Variants in NCOA1 observed in about 807,000 individuals in gnomAD.
NCOA1 encodes the protein Hin-2 protein.
A neutral mutation model predicts 150.9 loss-of-function variants in NCOA1; 35 were observed. The ratio of observed to expected loss-of-function variants is 0.23; its 90% CI spans 0.18 to 0.31. The LOEUF (loss-of-function observed/expected upper bound fraction) is 0.31, where lower values mean the gene tolerates loss of function less well. Ranked by LOEUF, NCOA1 falls within the 10% of genes least tolerant of loss-of-function variation. The pLI, the probability that NCOA1 is intolerant of heterozygous loss-of-function variation, is 1.00. For missense variants in NCOA1, 1,491 were observed against 1,749.3 expected (o/e 0.85, Z 2.63); for synonymous variants, 590 against 630.0 (o/e 0.94, Z 0.95).
chr2:24,649,753 A>T (rs1670630541), intron 4 of NCOA1, among the ~76,000 whole-genome samples: 1 of 147,436 alleles, frequency 6.8e-6, no homozygotes, highest in African/African-American at 2.5e-5. Context: ...AAACAAAATA[A>T]ACTTTTCTTT....
At chr2:24,565,197 T>C (rs985946534) in intron 2 of NCOA1, among the ~76,000 whole-genome samples, 4 of 152,196 alleles carry the variant, frequency 2.6e-5, no homozygotes, top group Non-Finnish European at 5.9e-5. Flanking sequence ...AAAAAAGATA[T>C]ATAATGTCAA....
intron 3 of NCOA1, among the ~76,000 whole-genome samples, chr2:24,640,749 G>A (rs114758973): frequency 0.014 from 2,105 of 152,088 alleles, 50 homozygotes; most frequent in African/African-American, 0.048. Context: ...GTCTACTTTC[G>A]CTGATATTTA....
At chr2:24,586,275 C>CA (rs34590281) in intron 3 of NCOA1, among the ~76,000 whole-genome samples, 1,982 of 66,046 alleles carry the variant, frequency 0.03, 69 homozygotes, top group African/African-American at 0.046. Flanking sequence ...GACTCGGTCT[C>CA]AAAAAAAAAA....
intron 20 of NCOA1, 32 bp downstream of exon 20, chr2:24,752,188 T>C: frequency 3.7e-6 from 6 of 1,600,864 alleles, no homozygotes; most frequent in Non-Finnish European, 5.1e-6. Context: ...ATGAGCATCC[T>C]TGATACTGTG....
intron 1 of NCOA1, among the ~76,000 whole-genome samples, chr2:24,496,025 C>T (rs1473036056): frequency 6.6e-6 from 1 of 152,186 alleles, no homozygotes; most frequent in Admixed American, 6.5e-5. Flanking sequence ...GTCCTCCTGT[C>T]ATTTGCACAT....
intron 3 of NCOA1, among the ~76,000 whole-genome samples, chr2:24,637,239 C>T (rs569275943): frequency 2.7e-5 from 3 of 111,366 alleles, no homozygotes; most frequent in East Asian, 6.3e-4. Context: ...CCCCTCCCCC[C>T]ACCCCACAAC....
rs1167255724 is a variant in NCOA1, at chr2:24,683,348, T to A, written c.532+220T>A. 2.0e-5 allele frequency among the ~76,000 whole-genome samples: 3 copies of A among 152,170 alleles called. No homozygotes were observed. The East Asian group carries it at 5.8e-4, about 29-fold the overall frequency. On this transcript the variant is annotated intron_variant, in intron 8 of 22. Coordinates refer to ENST00000348332, the MANE Select transcript of NCOA1 (RefSeq NM_003743.5). ...AGAGTATTCCTTTCAGCTTCTTCCTTTATACTGTGTGAATTGTTTTCAATT... is the reference window on the plus strand; with the variant it reads ...AGAGTATTCCTTTCAGCTTCTTCCTATATACTGTGTGAATTGTTTTCAATT...
intron 1 of NCOA1, among the ~76,000 whole-genome samples, chr2:24,521,174 G>A (rs932365556): frequency 6.6e-6 from 1 of 151,940 alleles, no homozygotes; most frequent in African/African-American, 2.4e-5. Context: ...TATACAACAT[G>A]GTATTTTGAT....
intron 1 of NCOA1, among the ~76,000 whole-genome samples, chr2:24,537,330 G>A (rs899857431): frequency 7.3e-5 from 11 of 151,650 alleles, no homozygotes; most frequent in Non-Finnish European, 1.3e-4. Flanking sequence ...TTGCCACAAC[G>A]GATGGACCTG....
intron 1 of NCOA1, among the ~76,000 whole-genome samples, chr2:24,509,291 A>ACAGGGAGTT (rs1394219890): frequency 6.6e-6 from 1 of 152,236 alleles, no homozygotes; most frequent in African/African-American, 2.4e-5. Flanking sequence ...AAATAGTGAA[A>ACAGGGAGTT]CAGGGAGTTC....
intron 1 of NCOA1, among the ~76,000 whole-genome samples, chr2:24,536,200 T>A (rs959736944): frequency 6.6e-6 from 1 of 152,242 alleles, no homozygotes. Context: ...TTCATTAATT[T>A]GATCTTCAAT....
chr2:24,533,079 C>T (rs62142271), intron 1 of NCOA1, among the ~76,000 whole-genome samples: 28,429 of 152,120 alleles, frequency 0.19, 2,839 homozygotes, highest in Non-Finnish European at 0.23. Context: ...TCTTCCTATC[C>T]ATGAGCATGG....
intron 1 of NCOA1, among the ~76,000 whole-genome samples, chr2:24,559,785 G>A (rs565245917): frequency 6.6e-6 from 1 of 152,106 alleles, no homozygotes; most frequent in Non-Finnish European, 1.5e-5. Flanking sequence ...ACCTGGCAGA[G>A]GTTCTTTTGC....
chr2:24,706,666 G>C lies in NCOA1; in HGVS notation c.1196G>C (p.Gly399Ala). 6.2e-7 allele frequency: 1 copy of C among 1,614,092 alleles called. No homozygotes were observed. The highest frequency in any genetic ancestry group is 8.5e-7 in the Non-Finnish European group (1 of 1,180,014). The change falls in exon 13 of 23, where the codon GGT becomes GCT. Residue 399 changes from glycine (G) to alanine (A), a missense_variant. Gly to Ala is a moderately conservative substitution (Grantham distance 60, BLOSUM62 0). Coordinates refer to ENST00000348332, the MANE Select transcript of NCOA1 (RefSeq NM_003743.5). ...AATCCTAGTATCTCTCCAGCTCATGGTGTGGCTCGTTCATCCACATTGCCA... is the reference window on the plus strand; with the variant it reads ...AATCCTAGTATCTCTCCAGCTCATGCTGTGGCTCGTTCATCCACATTGCCA... ...SVNPSISPAHGVARSSTLPPS... is the reference protein window; with the variant it reads ...SVNPSISPAHAVARSSTLPPS...
chr2:24,509,948 T>A (rs1663863397), intron 1 of NCOA1, among the ~76,000 whole-genome samples: 1 of 152,258 alleles, frequency 6.6e-6, no homozygotes, highest in Non-Finnish European at 1.5e-5. Context: ...TGAATAAAAC[T>A]ATTAAAGTAC....
chr2:24,727,705 A>G (rs1662769382), intron 15 of NCOA1, among the ~76,000 whole-genome samples: 1 of 152,218 alleles, frequency 6.6e-6, no homozygotes, highest in Non-Finnish European at 1.5e-5. Flanking sequence ...ATCAGTTGGT[A>G]TCTATTTGGA....
chr2:24,508,374 A>G (rs1057331036), intron 1 of NCOA1, among the ~76,000 whole-genome samples: 1 of 152,034 alleles, frequency 6.6e-6, no homozygotes, highest in African/African-American at 2.4e-5. Flanking sequence ...TAAAGTCTAT[A>G]TATGTTGTTG....
chr2:24,629,311 A>G (rs1020163354), intron 3 of NCOA1, among the ~76,000 whole-genome samples: 1 of 152,104 alleles, frequency 6.6e-6, no homozygotes, highest in Admixed American at 6.6e-5. Context: ...CATAAATATA[A>G]TGGTGCGTGT....
At chr2:24,544,624 C>G (rs1274507709) in intron 1 of NCOA1, among the ~76,000 whole-genome samples, 3 of 152,054 alleles carry the variant, frequency 2.0e-5, no homozygotes, top group Non-Finnish European at 2.9e-5. Flanking sequence ...GCACTGTAGT[C>G]CCAGCTAGGG....
Sources: allele counts gnomAD v4.1 joint callset (sites outside exome capture counted in the v4.1 genomes callset), GRCh38; gene constraint gnomAD v4.1.1; transcripts MANE v1.5; gene names NCBI Gene and HGNC (gene_info 2026-07-23, HGNC 2026-07-21).